Variants in GRIN2A observed in about 807,000 individuals in gnomAD.
GRIN2A encodes the protein glutamate receptor ionotropic, NMDA 2A.
GRIN2A carries 22 observed loss-of-function variants against 113.4 expected under a neutral mutation model. That is an observed-to-expected ratio of 0.19 (90% confidence interval 0.14 to 0.28). The LOEUF (loss-of-function observed/expected upper bound fraction) is 0.28, where lower values mean the gene tolerates loss of function less well. GRIN2A is among the 10% of genes least tolerant of loss of function. The pLI, the probability that GRIN2A is intolerant of heterozygous loss-of-function variation, is 1.00. For synonymous variants in GRIN2A, 827 were observed against 738.4 expected, an observed-to-expected ratio of 1.12 and a Z score of -1.94; for missense variants, 1,502 against 1,887.0, an observed-to-expected ratio of 0.80 and a Z score of 3.78.
intron 2 of GRIN2A, among the ~76,000 whole-genome samples, chr16:10,052,215 C>T (rs944427279): frequency 1.3e-5 from 2 of 152,232 alleles, no homozygotes; most frequent in Admixed American, 6.5e-5. Context: ...CATGATAATT[C>T]AAGCTCTTCT....
chr16:10,093,803 C>T (rs551804879), intron 2 of GRIN2A, among the ~76,000 whole-genome samples: 89 of 152,198 alleles, frequency 5.8e-4, no homozygotes, highest in African/African-American at 2.0e-3. Context: ...TGGCCAATTA[C>T]GTGAGGGAGA....
intron 4 of GRIN2A, among the ~76,000 whole-genome samples, chr16:9,883,593 TG>T (rs1308280508): frequency 6.6e-6 from 1 of 152,100 alleles, no homozygotes; most frequent in African/African-American, 2.4e-5. Flanking sequence ...TACTAGGGCT[TG>T]GGGGACACTC....
chr16:9,785,781 C>T (rs1382303153), intron 11 of GRIN2A, among the ~76,000 whole-genome samples: 1 of 152,140 alleles, frequency 6.6e-6, no homozygotes, highest in African/African-American at 2.4e-5. Context: ...AAATGCCCCA[C>T]AGGAGGTGAA....
chr16:9,779,529 G>A lies in GRIN2A; in HGVS notation c.2357-10440C>T, dbSNP rs139843674. 3.3e-5 allele frequency among the ~76,000 whole-genome samples: 5 copies of A among 152,142 alleles called. No individual in the cohort carries two copies. In the East Asian group the frequency reaches 5.8e-4, roughly 18 times the overall value. On this transcript the variant is annotated intron_variant, in intron 11 of 12. Coordinates refer to ENST00000330684, the MANE Select transcript of GRIN2A (RefSeq NM_001134407.3). ...AGGAGAGAGTGGAAAGGAAAGAAAA[G>A]AGGACAGGGAAGAGAAGGAGGAGGA...
At chr16:9,797,262 T>C (rs1903053501) in intron 11 of GRIN2A, among the ~76,000 whole-genome samples, 1 of 152,230 alleles carries the variant, frequency 6.6e-6, no homozygotes, top group Admixed American at 6.5e-5. Context: ...AGCCTTTCTA[T>C]CCTCCTCATA....
intron 2 of GRIN2A, among the ~76,000 whole-genome samples, chr16:10,077,399 C>G (rs1305330070): frequency 6.6e-6 from 1 of 152,138 alleles, no homozygotes; most frequent in Non-Finnish European, 1.5e-5. Flanking sequence ...GGTGGCATCT[C>G]CAACTCTCCT....
intron 7 of GRIN2A, among the ~76,000 whole-genome samples, chr16:9,839,502 A>G (rs894718078): frequency 6.6e-6 from 1 of 152,202 alleles, no homozygotes; most frequent in Admixed American, 6.5e-5. Context: ...TGATTCGATT[A>G]ATTTTAAATC....
intron 12 of GRIN2A, among the ~76,000 whole-genome samples, chr16:9,767,385 T>C (rs1309687250): frequency 6.6e-6 from 1 of 152,182 alleles, no homozygotes; most frequent in Non-Finnish European, 1.5e-5. Flanking sequence ...CAATAGCATA[T>C]AAAATTAGAT....
At chr16:10,164,624 T>C (rs2049873552) in intron 2 of GRIN2A, among the ~76,000 whole-genome samples, 1 of 152,194 alleles carries the variant, frequency 6.6e-6, no homozygotes, top group Non-Finnish European at 1.5e-5. Context: ...GGGTGAGCAA[T>C]GCCTGGTGAT....
chr16:9,957,289 C>A (rs1302132255), intron 2 of GRIN2A, among the ~76,000 whole-genome samples: 1 of 152,062 alleles, frequency 6.6e-6, no homozygotes, highest in Non-Finnish European at 1.5e-5. Context: ...AGGGAGCTGC[C>A]CATGTTCAGG....
intron 11 of GRIN2A, among the ~76,000 whole-genome samples, chr16:9,792,042 A>G (rs1044487417): frequency 6.6e-6 from 1 of 151,966 alleles, no homozygotes; most frequent in East Asian, 1.9e-4. Flanking sequence ...CAAAAGTTGC[A>G]GTACAAAAGG....
Position 9,785,675 on chromosome 16 carries a change from G to A in GRIN2A, c.2356+12602C>T, listed in dbSNP as rs192836156. Among the ~76,000 whole-genome samples the A allele has an allele frequency of 9.5e-4, 145 of 151,986 alleles. 1 individual carries two copies. The highest frequency in any genetic ancestry group is 3.1e-3 in the African/African-American group (130 of 41,460). ...AAGTTATAAAATATTATAAAATTATGTACATGGAGATTCAATTTAGAACAC... is the reference window on the plus strand; with the variant it reads ...AAGTTATAAAATATTATAAAATTATATACATGGAGATTCAATTTAGAACAC... On this transcript the variant is annotated intron_variant, in intron 11 of 12. Coordinates refer to ENST00000330684, the MANE Select transcript of GRIN2A (RefSeq NM_001134407.3).
At chr16:9,905,523 C>G (rs1024055519) in intron 3 of GRIN2A, among the ~76,000 whole-genome samples, 1 of 152,198 alleles carries the variant, frequency 6.6e-6, no homozygotes, top group East Asian at 1.9e-4. Flanking sequence ...AACCGATCTA[C>G]TGGCTGCTCA....
chr16:10,029,313 G>A (rs2046885202), intron 2 of GRIN2A, among the ~76,000 whole-genome samples: 1 of 151,894 alleles, frequency 6.6e-6, no homozygotes. Context: ...TCCTGCCTCA[G>A]CCTCCCAAGT....
Position 9,762,095 on chromosome 16 carries a change from T to C in GRIN2A, c.*1054A>G, listed in dbSNP as rs1232996361. The C allele has an allele frequency of 4.8e-6, 1 of 207,318 alleles. No homozygotes were observed. The highest frequency in any genetic ancestry group is 9.9e-6 in the Non-Finnish European group (1 of 101,350). The allele number at this position is 207,318 out of a possible 1,614,324, so 12.8% of individuals were successfully genotyped here. On this transcript the variant is annotated 3_prime_UTR_variant, in exon 13 of 13. Coordinates refer to ENST00000330684, the MANE Select transcript of GRIN2A (RefSeq NM_001134407.3). ...GCATTGTACTTCTTACAGATCACAG[T>C]ACACATACGGCTGTTGGTGCATGTC...
intron 2 of GRIN2A, among the ~76,000 whole-genome samples, chr16:10,137,694 T>C (rs1038945056): frequency 6.6e-6 from 1 of 152,176 alleles, no homozygotes; most frequent in African/African-American, 2.4e-5. Context: ...TGTGCACCTA[T>C]TCTGTGTGAG....
intron 2 of GRIN2A, among the ~76,000 whole-genome samples, chr16:9,981,247 A>G (rs1291611364): frequency 6.6e-6 from 1 of 152,232 alleles, no homozygotes; most frequent in Non-Finnish European, 1.5e-5. Context: ...CAGCACTGCC[A>G]TGCTGCTCAG....
intron 4 of GRIN2A, among the ~76,000 whole-genome samples, chr16:9,885,439 A>G (rs1170405511): frequency 1.3e-5 from 2 of 152,180 alleles, no homozygotes; most frequent in African/African-American, 2.4e-5. Flanking sequence ...TTTGTGAGAG[A>G]AAGTCTGCTC....
At chr16:10,027,944 A>G (rs1027463825) in intron 2 of GRIN2A, among the ~76,000 whole-genome samples, 2 of 152,082 alleles carry the variant, frequency 1.3e-5, no homozygotes, top group East Asian at 3.9e-4. Context: ...GCCTGGACTA[A>G]TCTCTCCAGG....
Sources: allele counts gnomAD v4.1 joint callset (sites outside exome capture counted in the v4.1 genomes callset), GRCh38; gene constraint gnomAD v4.1.1; transcripts MANE v1.5; gene names NCBI Gene and HGNC (gene_info 2026-07-23, HGNC 2026-07-21).